MTMR3: variants seen among roughly 807,000 people sequenced by gnomAD.
MTMR3 encodes phosphatidylinositol-3,5-bisphosphate 3-phosphatase MTMR3.
In MTMR3, 32 loss-of-function variants were observed where a neutral mutation model predicts 132.4. The observed-to-expected ratio is 0.24, with a 90% CI of 0.18 to 0.32. MTMR3 has a LOEUF of 0.32. Among genes scored for constraint, MTMR3 ranks in the 10% least tolerant of loss-of-function variants. The pLI is 1.00. For synonymous variants in MTMR3, 556 were observed against 550.3 expected, an observed-to-expected ratio of 1.01 and a Z score of -0.14; for missense variants, 1,216 against 1,489.6, an observed-to-expected ratio of 0.82 and a Z score of 3.02.
chr22:29,932,721 A>G (rs1467592102), intron 1 of MTMR3, among the ~76,000 whole-genome samples: 2 of 152,188 alleles, frequency 1.3e-5, no homozygotes, highest in Admixed American at 6.5e-5. Flanking sequence ...TAATTTAACA[A>G]ATATTTATCC....
At chr22:29,939,169 A>T (rs1183959809) in intron 1 of MTMR3, among the ~76,000 whole-genome samples, 1 of 152,094 alleles carries the variant, frequency 6.6e-6, no homozygotes, top group Non-Finnish European at 1.5e-5. Context: ...ATATTTTGTG[A>T]TTTGTATTTG....
At chr22:29,897,927 T>C (rs2064934662) in intron 1 of MTMR3, among the ~76,000 whole-genome samples, 1 of 152,228 alleles carries the variant, frequency 6.6e-6, no homozygotes, top group African/African-American at 2.4e-5. Flanking sequence ...TGTGATATTT[T>C]AGTACATACT....
chr22:29,957,616 A>G (rs1341923758), intron 2 of MTMR3, among the ~76,000 whole-genome samples: 1 of 152,022 alleles, frequency 6.6e-6, no homozygotes, highest in South Asian at 2.1e-4. Context: ...AGGCCTGGCT[A>G]GTTTGGAAAC....
chr22:30,023,859 TG>T (rs2067833272), intron 19 of MTMR3: 1 of 225,658 alleles, frequency 4.4e-6, no homozygotes, highest in South Asian at 7.1e-5. Flanking sequence ...ACAGCATCAC[TG>T]CTTCTTTTTT....
At chr22:30,002,281 T>G (rs1412873665) in intron 8 of MTMR3, 1 of 152,310 alleles carries the variant, frequency 6.6e-6, no homozygotes, top group Non-Finnish European at 1.5e-5. Context: ...ACTGAGGCTG[T>G]GTATGCAGAT....
intron 1 of MTMR3, among the ~76,000 whole-genome samples, chr22:29,888,377 A>G (rs750119307): frequency 9.9e-5 from 15 of 152,074 alleles, no homozygotes; most frequent in Non-Finnish European, 2.1e-4. Flanking sequence ...TTGGGTTGTG[A>G]TAAAACTTTG....
intron 1 of MTMR3, among the ~76,000 whole-genome samples, chr22:29,943,359 A>AT (rs1057386581): frequency 1.3e-5 from 2 of 151,428 alleles, no homozygotes; most frequent in African/African-American, 2.4e-5. Flanking sequence ...CGCCCGGCTA[A>AT]TTTTTTTGTA....
chr22:29,889,126 A>G (rs1429282824), intron 1 of MTMR3, among the ~76,000 whole-genome samples: 1 of 152,054 alleles, frequency 6.6e-6, no homozygotes, highest in African/African-American at 2.4e-5. Flanking sequence ...GATAAACCAA[A>G]TATTTAATTG....
intron 1 of MTMR3, among the ~76,000 whole-genome samples, chr22:29,935,575 C>T (rs1220426498): frequency 1.3e-5 from 2 of 152,148 alleles, no homozygotes; most frequent in African/African-American, 4.8e-5. Context: ...TATTTCTCCA[C>T]TAGGTCAAAG....
chr22:29,939,646 C>A (rs777254158), intron 1 of MTMR3, among the ~76,000 whole-genome samples: 2 of 151,770 alleles, frequency 1.3e-5, no homozygotes, highest in Non-Finnish European at 2.9e-5. Context: ...GAAGGTATTA[C>A]TTGACTGTTT....
chr22:29,917,381 C>G (rs2065328835), intron 1 of MTMR3, among the ~76,000 whole-genome samples: 1 of 152,128 alleles, frequency 6.6e-6, no homozygotes, highest in Admixed American at 6.5e-5. Flanking sequence ...GCCTGTAGTC[C>G]CAGCTACTCA....
At chr22:30,023,564 C>G (rs1351296660) in intron 19 of MTMR3, 1 of 1,538,978 alleles carries the variant, frequency 6.5e-7, no homozygotes, top group East Asian at 2.2e-5. Flanking sequence ...ATTTCCCCCT[C>G]TCTGCACTTA....
At chr22:29,981,271 G>A (rs1746698190) in intron 5 of MTMR3, 1 of 152,110 alleles carries the variant, frequency 6.6e-6, no homozygotes, top group Admixed American at 6.5e-5. Flanking sequence ...GTTTGAAGTG[G>A]GCATTAGAAC....
intron 1 of MTMR3, among the ~76,000 whole-genome samples, chr22:29,906,066 C>A (rs752923490): frequency 6.6e-6 from 1 of 151,964 alleles, no homozygotes; most frequent in Admixed American, 6.6e-5. Context: ...GTGTTTTCTA[C>A]GCTGGCCTTT....
chr22:30,023,549 T>G, intron 19 of MTMR3: 1 of 1,577,176 alleles, frequency 6.3e-7, no homozygotes, highest in Non-Finnish European at 8.7e-7. Flanking sequence ...ACACTAACTC[T>G]TATCATTTCC....
intron 1 of MTMR3, among the ~76,000 whole-genome samples, chr22:29,943,147 C>T (rs1250861380): frequency 6.6e-6 from 1 of 152,058 alleles, no homozygotes; most frequent in African/African-American, 2.4e-5. Flanking sequence ...CTGGTCCCTC[C>T]GTTCGGGGTC....
intron 1 of MTMR3, among the ~76,000 whole-genome samples, chr22:29,939,402 CTT>C (rs2065812045): frequency 6.6e-6 from 1 of 152,178 alleles, no homozygotes; most frequent in Admixed American, 6.5e-5. Flanking sequence ...TAGAGATAGA[CTT>C]TTCAAATTAA....
chr22:29,890,419 A>G (rs2064773607), intron 1 of MTMR3, among the ~76,000 whole-genome samples: 1 of 151,978 alleles, frequency 6.6e-6, no homozygotes, highest in East Asian at 2.0e-4. Context: ...TGGAAGGCTG[A>G]GGCACAGAGA....
rs2067970312 is a variant in MTMR3 at position 30,029,277 on chromosome 22, C to A, written c.*3476C>A. On this transcript the variant is annotated 3_prime_UTR_variant, in exon 20 of 20. Coordinates refer to ENST00000401950, the MANE Select transcript of MTMR3 (RefSeq NM_021090.4). ...CTTTCCTATCCTGGCACTCTCGTTA[C>A]CTTTCTTCTATACCTTGGCCTCTGT... 6.6e-6 allele frequency: 1 copy of A among 152,354 alleles called. No individual in the cohort carries two copies. The highest frequency in any genetic ancestry group is 1.5e-5 in the Non-Finnish European group (1 of 68,038). 9.4% of individuals were successfully genotyped at this position (152,354 alleles called of 1,614,324 possible).
Sources: allele counts gnomAD v4.1 joint callset (sites outside exome capture counted in the v4.1 genomes callset), GRCh38; gene constraint gnomAD v4.1.1; transcripts MANE v1.5; gene names NCBI Gene and HGNC (gene_info 2026-07-23, HGNC 2026-07-21).